The following FRY variants were observed in gnomAD, a reference collection of about 807,000 sequenced individuals.
FRY encodes the protein protein furry homolog.
FRY carries 128 observed loss-of-function variants against 348.4 expected under a neutral mutation model. That is an observed-to-expected ratio of 0.37 (90% CI 0.32 to 0.43). The LOEUF is 0.43. Ranked by LOEUF, FRY falls within the 20% of genes least tolerant of loss-of-function variation. The pLI is 1.00. For missense variants in FRY, 2,736 were observed against 3,695.2 expected, an observed-to-expected ratio of 0.74 and a Z score of 6.73; for synonymous variants, 1,370 against 1,374.7, an observed-to-expected ratio of 1.00 and a Z score of 0.08.
intron 30 of FRY, 22 bp from the exon 31 acceptor site, chr13:32,202,334 T>A: frequency 6.2e-7 from 1 of 1,600,086 alleles, no homozygotes; most frequent in Non-Finnish European, 8.6e-7. Flanking sequence ...TACTACTTTT[T>A]TACTTTCCTA....
At chr13:32,144,778 T>G (rs1319571891) in intron 11 of FRY, among the ~76,000 whole-genome samples, 1 of 152,162 alleles carries the variant, frequency 6.6e-6, no homozygotes, top group African/African-American at 2.4e-5. Flanking sequence ...TAATAGATCT[T>G]AGGGGTAAAT....
intron 53 of FRY, among the ~76,000 whole-genome samples, chr13:32,265,107 T>G (rs1887851017): frequency 6.6e-6 from 1 of 152,234 alleles, no homozygotes; most frequent in Non-Finnish European, 1.5e-5. Context: ...CGTGGAGCAT[T>G]GTTTCCTTAT....
intron 22 of FRY, 106 bp downstream of exon 22, chr13:32,179,139 T>A: frequency 1.3e-6 from 1 of 798,276 alleles, no homozygotes; most frequent in South Asian, 1.5e-5. Context: ...TGGAGTATTA[T>A]GGGATCAGAT....
rs144054520 is a variant in FRY at position 32,271,696 on chromosome 13, A to G, written c.8137-3146A>G. ...GTGAAAGGCCTCAGATATCCCATCC[A>G]ATGTCCTCGCAGAAGATGACCCCTT... On this transcript the variant is annotated intron_variant, in intron 55 of 60. Coordinates refer to ENST00000542859, the MANE Select transcript of FRY (RefSeq NM_023037.3). Among the ~76,000 whole-genome samples, 558 of 152,320 alleles carry G rather than the reference A, an allele frequency of 3.7e-3. 1 individual carries two copies. Among genetic ancestry groups the G allele is most frequent in the Middle Eastern group, 0.031 (9 of 294 alleles).
intron 50 of FRY, 138 bp from the exon 51 acceptor site, chr13:32,254,086 A>G: frequency 1.2e-6 from 1 of 833,836 alleles, no homozygotes. Context: ...AAATAATAAA[A>G]GAACATTCTA....
intron 36 of FRY, among the ~76,000 whole-genome samples, chr13:32,222,579 G>A (rs1885371996): frequency 6.6e-6 from 1 of 152,176 alleles, no homozygotes; most frequent in Admixed American, 6.5e-5. Context: ...CAGTTAAGGA[G>A]GCCATTGCAG....
intron 55 of FRY, among the ~76,000 whole-genome samples, chr13:32,272,912 A>ATTTC (rs1555273952): frequency 7.5e-5 from 11 of 147,112 alleles, no homozygotes; most frequent in Admixed American, 4.7e-4. Flanking sequence ...ATTTTTTGGT[A>ATTTC]TTTTTTTTTT....
At chr13:32,295,122 C>T in intron 60 of FRY, 80 bp from the exon 61 acceptor site, 1 of 1,256,382 alleles carries the variant, frequency 8.0e-7, no homozygotes, top group South Asian at 1.2e-5. Context: ...AAGTAATACT[C>T]TTATATTAAT....
intron 29 of FRY, 96 bp from the exon 30 acceptor site, chr13:32,201,845 G>T: frequency 1.3e-6 from 1 of 786,954 alleles, no homozygotes. Flanking sequence ...ATAAGTGACC[G>T]AGGTCAGCAT....
At chr13:32,236,050 C>CA in intron 42 of FRY, 28 bp from the exon 43 acceptor site, 1 of 1,473,202 alleles carries the variant, frequency 6.8e-7, no homozygotes, top group Non-Finnish European at 9.5e-7. Context: ...ACAAGCAATA[C>CA]AAAATGCTAT....
intron 14 of FRY, among the ~76,000 whole-genome samples, chr13:32,154,066 G>T (rs1378141891): frequency 6.6e-6 from 1 of 152,068 alleles, no homozygotes; most frequent in Non-Finnish European, 1.5e-5. Context: ...TAATCCACTG[G>T]CAAATAATTG....
chr13:32,034,392 C>A (rs537134715), intron 1 of FRY, among the ~76,000 whole-genome samples: 1 of 152,072 alleles, frequency 6.6e-6, no homozygotes, highest in East Asian at 1.9e-4. Context: ...AGCTTTCATT[C>A]GATGTTCATT....
intron 10 of FRY, among the ~76,000 whole-genome samples, chr13:32,135,955 G>A (rs778255911): frequency 2.0e-5 from 3 of 151,884 alleles, no homozygotes; most frequent in Non-Finnish European, 4.4e-5. Flanking sequence ...CTAACTGCAT[G>A]CATATTTTTT....
intron 28 of FRY, among the ~76,000 whole-genome samples, chr13:32,193,591 C>CTTTTCTTTT (rs1883485355): frequency 7.7e-6 from 1 of 130,286 alleles, no homozygotes; most frequent in African/African-American, 2.9e-5. Flanking sequence ...AGTCTTCGTC[C>CTTTTCTTTT]TTTTTTTTTT....
At chr13:32,107,960 G>A (rs1013305000) in intron 3 of FRY, among the ~76,000 whole-genome samples, 1 of 152,208 alleles carries the variant, frequency 6.6e-6, no homozygotes, top group Non-Finnish European at 1.5e-5. Flanking sequence ...TCAGGGCTTA[G>A]CGAGTAAAAG....
rs446909 is a variant in FRY, at chr13:32,085,234, G to C, written c.270+6201G>C. Among the ~76,000 whole-genome samples the C allele has an allele frequency of 4.6e-5, 7 of 152,032 alleles. No homozygotes were observed. The South Asian group carries it at 1.2e-3, about 27-fold the overall frequency. ...TTCTCCTCACACTGACTCCAGCAAC[G>C]GGTGACTCTTAGTGATCAGACACAG... is the stretch of plus-strand genomic sequence containing the variant. On this transcript the variant is annotated intron_variant, in intron 2 of 60. Coordinates refer to ENST00000542859, the MANE Select transcript of FRY (RefSeq NM_023037.3).
At chr13:32,122,664 A>G (rs1047705084) in intron 4 of FRY, among the ~76,000 whole-genome samples, 1 of 152,198 alleles carries the variant, frequency 6.6e-6, no homozygotes, top group Non-Finnish European at 1.5e-5. Context: ...CTTCTTTAAC[A>G]TAGTACTAGA....
intron 2 of FRY, chr13:32,085,822 G>A (rs1474945137): frequency 1.9e-6 from 1 of 516,636 alleles, no homozygotes; most frequent in Non-Finnish European, 3.9e-6. Flanking sequence ...AATACTGTCA[G>A]GTGCCTGTCC....
At chr13:32,157,176 A>T in intron 15 of FRY, 97 bp from the exon 16 acceptor site, 1 of 1,169,282 alleles carries the variant, frequency 8.6e-7, no homozygotes, top group Non-Finnish European at 1.3e-6. Context: ...TCATTGACTC[A>T]TAAGGTCTTC....
Sources: allele counts gnomAD v4.1 joint callset (sites outside exome capture counted in the v4.1 genomes callset), GRCh38; gene constraint gnomAD v4.1.1; transcripts MANE v1.5; gene names NCBI Gene and HGNC (gene_info 2026-07-23, HGNC 2026-07-21).